Variants in UBE2E2 observed in about 807,000 individuals in gnomAD.
The protein encoded by UBE2E2 is ubiquitin-conjugating enzyme E2 E2.
Under a neutral mutation model 24.7 loss-of-function variants are expected in UBE2E2, and 6 were observed. The ratio of observed to expected loss-of-function variants is 0.24; its 90% CI spans 0.13 to 0.48. UBE2E2 has a LOEUF of 0.48. UBE2E2 is among the 20% of genes least tolerant of loss of function. UBE2E2 has a pLI of 0.99. For synonymous variants in UBE2E2, 104 were observed against 83.6 expected, an observed-to-expected ratio of 1.24 and a Z score of -1.33; for missense variants, 169 against 245.0, an observed-to-expected ratio of 0.69 and a Z score of 2.07.
At chr3:23,370,422 A>G (rs944037706) in intron 3 of UBE2E2, among the ~76,000 whole-genome samples, 2 of 152,224 alleles carry the variant, frequency 1.3e-5, no homozygotes, top group African/African-American at 2.4e-5. Flanking sequence ...TAAGTAATTA[A>G]ACATTGTCTA....
In UBE2E2 at chr3:23,589,950, C is replaced by T; in HGVS notation, c.*119C>T. 1 of 936,870 alleles carries T rather than the reference C, an allele frequency of 1.1e-6. No individual in the cohort carries two copies. Among genetic ancestry groups the T allele is most frequent in the East Asian group, 2.7e-5 (1 of 37,214 alleles). The allele number at this position is 936,870 out of a possible 1,614,324, so 58.0% of individuals were successfully genotyped here. On this transcript the variant is annotated 3_prime_UTR_variant, in exon 6 of 6. Coordinates refer to ENST00000396703, the MANE Select transcript of UBE2E2 (RefSeq NM_152653.4). The surrounding 1 kb of genome is among the most constrained non-coding windows in gnomAD (Gnocchi z 4.1). The stretch of plus-strand genomic sequence containing the variant: ...TTTCCTATTTTTATTAAATTTGGAA[C>T]CATTTTGTGATGGTATGTTGTCCAT...
intron 3 of UBE2E2, among the ~76,000 whole-genome samples, chr3:23,224,021 C>T (rs1392700345): frequency 6.6e-6 from 1 of 152,112 alleles, no homozygotes; most frequent in Non-Finnish European, 1.5e-5. Flanking sequence ...GTTTTTATGC[C>T]AGTACCATGC....
Position 23,248,168 on chromosome 3 carries a change from G to A in UBE2E2, c.227+30856G>A, listed in dbSNP as rs537640617. ...TCAAAAAAGCAATTAGTGTCCTGAT[G>A]TACTTCAGCTTCACACATTTCTGTA... On this transcript the variant is annotated intron_variant, in intron 3 of 5. Transcript: ENST00000396703. Among the ~76,000 whole-genome samples the A allele has an allele frequency of 1.8e-4, 28 of 152,302 alleles. No homozygotes were observed. In the South Asian group the frequency reaches 3.9e-3, roughly 21 times the overall value.
chr3:23,354,116 G>C (rs1185150370), intron 3 of UBE2E2, among the ~76,000 whole-genome samples: 2 of 152,102 alleles, frequency 1.3e-5, no homozygotes, highest in African/African-American at 4.8e-5. Context: ...TGACAAACCT[G>C]AGAAAAGCAA....
chr3:23,339,005 G>A (rs1353806644), intron 3 of UBE2E2, among the ~76,000 whole-genome samples: 1 of 152,014 alleles, frequency 6.6e-6, no homozygotes, highest in African/African-American at 2.4e-5. Flanking sequence ...TAATTATAAA[G>A]GAATCATAGT....
chr3:23,558,018 C>T (rs1217690260), intron 5 of UBE2E2, among the ~76,000 whole-genome samples: 1 of 152,172 alleles, frequency 6.6e-6, no homozygotes, highest in African/African-American at 2.4e-5. Context: ...CTGCGTTTCT[C>T]ATTGTTTTTC....
At chr3:23,578,819 G>A (rs574760616) in intron 5 of UBE2E2, among the ~76,000 whole-genome samples, 3 of 152,114 alleles carry the variant, frequency 2.0e-5, no homozygotes, top group Non-Finnish European at 2.9e-5. Flanking sequence ...ACTAATGGAT[G>A]CTGGGATTAA....
chr3:23,299,653 T>G (rs548949292), intron 3 of UBE2E2, among the ~76,000 whole-genome samples: 1 of 152,316 alleles, frequency 6.6e-6, no homozygotes, highest in Non-Finnish European at 1.5e-5. Context: ...GAGAGGCAGT[T>G]TGTTGTAATT....
intron 3 of UBE2E2, among the ~76,000 whole-genome samples, chr3:23,326,293 G>T (rs1213643359): frequency 2.0e-5 from 3 of 152,208 alleles, no homozygotes; most frequent in African/African-American, 7.2e-5. Context: ...CTGTTCTCGA[G>T]CTACTGACTT....
rs569616210 is a variant in UBE2E2, at chr3:23,380,227, T to A, written c.228-119381T>A. Among the ~76,000 whole-genome samples, 345 of 152,006 alleles carry A rather than the reference T, an allele frequency of 2.3e-3. 3 individuals carry two copies. The highest frequency in any genetic ancestry group is 7.9e-3 in the African/African-American group (326 of 41,452). The stretch of plus-strand genomic sequence containing the variant: ...CATTTCTTCTTTATTAAAAAAAAAA[T>A]TATTTTTCTAGAGACAGGGTCTTGC... On this transcript the variant is annotated intron_variant, in intron 3 of 5. Transcript: ENST00000396703.
At chr3:23,290,439 A>G (rs9816895) in intron 3 of UBE2E2, among the ~76,000 whole-genome samples, 59,523 of 151,990 alleles carry the variant, frequency 0.39, 12,156 homozygotes, top group Admixed American at 0.53. Flanking sequence ...GATTCTAACA[A>G]GCTCCTTAGG....
chr3:23,285,519 G>T (rs1698595981), intron 3 of UBE2E2, among the ~76,000 whole-genome samples: 2 of 152,084 alleles, frequency 1.3e-5, no homozygotes, highest in Admixed American at 6.6e-5. Flanking sequence ...TCTTTTCTCA[G>T]CATCCTCCTC....
At chr3:23,571,823 AG>A (rs1696239671) in intron 5 of UBE2E2, among the ~76,000 whole-genome samples, 2 of 152,196 alleles carry the variant, frequency 1.3e-5, no homozygotes, top group Non-Finnish European at 1.5e-5. Flanking sequence ...GCTTTGAGAA[AG>A]GAAAGCCATC....
intron 3 of UBE2E2, among the ~76,000 whole-genome samples, chr3:23,257,525 CCCCACTT>C (rs1216256177): frequency 3.8e-3 from 114 of 30,196 alleles, no homozygotes; most frequent in South Asian, 0.017. Context: ...CCCCCCCCCC[CCCCACTT>C]TTTTTTTTTT....
chr3:23,584,352 G>A (rs1417154080), intron 5 of UBE2E2, among the ~76,000 whole-genome samples: 1 of 151,728 alleles, frequency 6.6e-6, no homozygotes, highest in Non-Finnish European at 1.5e-5. Context: ...TACATCCATC[G>A]ATCCCTTTTA....
At chr3:23,519,720 A>T (rs755269355) in intron 4 of UBE2E2, among the ~76,000 whole-genome samples, 2 of 152,122 alleles carry the variant, frequency 1.3e-5, no homozygotes, top group Admixed American at 1.3e-4. Flanking sequence ...TCTATTGCCC[A>T]TACTGGAGTG....
intron 3 of UBE2E2, among the ~76,000 whole-genome samples, chr3:23,471,166 A>C (rs1176960038): frequency 6.6e-6 from 1 of 152,216 alleles, no homozygotes; most frequent in Non-Finnish European, 1.5e-5. Flanking sequence ...TTAGAAGGAC[A>C]GCCCCAGTTT....
At chr3:23,203,139 C>A, upstream of UBE2E2, 3 of 984,582 alleles carry the variant, frequency 3.0e-6, no homozygotes, top group Non-Finnish European at 3.6e-6. Context: ...CGGGCGGCGG[C>A]GGCTCCCGGA....
At chr3:23,507,020 A>G (rs1694474870) in intron 4 of UBE2E2, among the ~76,000 whole-genome samples, 1 of 152,194 alleles carries the variant, frequency 6.6e-6, no homozygotes, top group South Asian at 2.1e-4. Context: ...AAAAGCCTAT[A>G]AAGCCATATA....
Sources: gnomAD v4.1 joint callset for allele counts (sites outside exome capture counted in the v4.1 genomes callset) on GRCh38, gnomAD v4.1.1 for gene constraint, Gnocchi (gnomAD v3.1) non-coding constraint, MANE v1.5 for transcripts, NCBI Gene and HGNC (gene_info 2026-07-23, HGNC 2026-07-21) for gene names.